Variants in SOX13 observed in about 807,000 individuals in gnomAD.
The protein encoded by SOX13 is transcription factor SOX-13.
SOX13 carries 28 observed loss-of-function variants against 71.8 expected under a neutral mutation model. The ratio of observed to expected loss-of-function variants is 0.39; its 90% CI spans 0.29 to 0.53. SOX13 has a LOEUF of 0.53. Ranked by LOEUF, SOX13 falls within the 20% of genes least tolerant of loss-of-function variation. SOX13 has a pLI of 0.70. For synonymous variants in SOX13, 309 were observed against 317.8 expected, an observed-to-expected ratio of 0.97 and a Z score of 0.29; for missense variants, 627 against 810.3, an observed-to-expected ratio of 0.77 and a Z score of 2.75.
chr1:204,079,594 A>G (rs1655858461), intron 1 of SOX13, among the ~76,000 whole-genome samples: 2 of 151,786 alleles, frequency 1.3e-5, no homozygotes, highest in African/African-American at 4.8e-5. Flanking sequence ...TGATCCGCCC[A>G]CCTCAGCCTC....
chr1:204,109,771 T>C (rs1558217867), intron 1 of SOX13, among the ~76,000 whole-genome samples: 1 of 152,208 alleles, frequency 6.6e-6, no homozygotes, highest in Non-Finnish European at 1.5e-5. Flanking sequence ...AGTATTTGCA[T>C]ATAACCTATG....
At position 204,124,746 on chromosome 1, in the gene SOX13, A is replaced by G; in HGVS notation, c.1481A>G (p.Lys494Arg). ...HLEKYPDYKYKPRPKRTCIVE... is the reference protein window; with the variant it reads ...HLEKYPDYKYRPRPKRTCIVE... ...GAGAAGTATCCTGACTACAAGTACA[A>G]GCCGCGGCCCAAGCGCACCTGCATC... The change falls in exon 13 of 14, where the codon AAG becomes AGG. Residue 494 changes from lysine to arginine, a missense_variant. Coordinates refer to ENST00000367204, the MANE Select transcript of SOX13 (RefSeq NM_005686.3). 1 of 1,611,070 alleles carries G rather than the reference A, an allele frequency of 6.2e-7. No homozygotes were observed. Among genetic ancestry groups the G allele is most frequent in the Non-Finnish European group, 8.5e-7 (1 of 1,178,798 alleles).
intron 1 of SOX13, among the ~76,000 whole-genome samples, chr1:204,106,380 T>G (rs1656470730): frequency 6.6e-6 from 1 of 152,226 alleles, no homozygotes; most frequent in Non-Finnish European, 1.5e-5. Context: ...GCTGTGCTGC[T>G]GAACTCTGTC....
chr1:204,084,989 A>G (rs1422429701), intron 1 of SOX13, among the ~76,000 whole-genome samples: 1 of 152,194 alleles, frequency 6.6e-6, no homozygotes, highest in African/African-American at 2.4e-5. Flanking sequence ...TGGGAAAAGC[A>G]TCTGGAGATT....
In SOX13 at chr1:204,110,670, T is replaced by A. The variant is rs1241237982; in HGVS notation, c.-1-2245T>A. The stretch of plus-strand genomic sequence containing the variant: ...TATATATTTTATTCAATTATAATGC[T>A]TATTTAAAATACTCTACATGTACTC... On this transcript the variant is annotated intron_variant, in intron 1 of 13. Transcript: ENST00000367204. Among the ~76,000 whole-genome samples, 5 of 152,266 alleles carry A rather than the reference T, an allele frequency of 3.3e-5. No homozygotes were observed. The East Asian group carries it at 9.7e-4, about 29-fold the overall frequency.
rs1205755725 is a variant in SOX13, at chr1:204,076,673, T to G, written c.-2+2962T>G. Among the ~76,000 whole-genome samples, 3 of 152,202 alleles carry G rather than the reference T, an allele frequency of 2.0e-5. No individual in the cohort carries two copies. The East Asian group carries it at 5.8e-4, about 29-fold the overall frequency. On this transcript the variant is annotated intron_variant, in intron 1 of 13. Coordinates refer to ENST00000367204, the MANE Select transcript of SOX13 (RefSeq NM_005686.3). ...CACACTGCCTTGGACAACAGGCTCC[T>G]GTCCTCCTTTCTCAGACCCTCCAAC...
chr1:204,078,359 G>T (rs1655826789), intron 1 of SOX13, among the ~76,000 whole-genome samples: 1 of 152,118 alleles, frequency 6.6e-6, no homozygotes, highest in Non-Finnish European at 1.5e-5. Flanking sequence ...CCCTGGGTAA[G>T]TCTCCAGGAA....
At chr1:204,095,873 C>G (rs1318130318) in intron 1 of SOX13, among the ~76,000 whole-genome samples, 1 of 152,166 alleles carries the variant, frequency 6.6e-6, no homozygotes, top group Non-Finnish European at 1.5e-5. Flanking sequence ...CTTTCTGTCT[C>G]TATGAATTTA....
rs1343961969 is a variant in SOX13 at position 204,126,190 on chromosome 1, G to A, written c.*56G>A. 30 of 1,564,538 alleles carry A rather than the reference G, an allele frequency of 1.9e-5. No homozygotes were observed. In the East Asian group the frequency reaches 4.1e-4, roughly 21 times the overall value. On this transcript the variant is annotated 3_prime_UTR_variant, in exon 14 of 14. Coordinates refer to ENST00000367204, the MANE Select transcript of SOX13 (RefSeq NM_005686.3). ...TCTGGGGAAGACCTTGTCCCAACTC[G>A]ATGGGCACAGCCAGCCAACCTAAGA... is the stretch of plus-strand genomic sequence containing the variant.
intron 1 of SOX13, among the ~76,000 whole-genome samples, chr1:204,093,054 C>T (rs555365216): frequency 6.6e-6 from 1 of 152,006 alleles, no homozygotes; most frequent in Non-Finnish European, 1.5e-5. Context: ...TTGGAGTGAC[C>T]CCCATTCAGT....
At chr1:204,084,007 C>G (rs973331832) in intron 1 of SOX13, among the ~76,000 whole-genome samples, 1 of 152,158 alleles carries the variant, frequency 6.6e-6, no homozygotes. Context: ...CCACATCTCC[C>G]AGGGGCCCCA....
intron 4 of SOX13, among the ~76,000 whole-genome samples, chr1:204,115,580 G>C (rs183650584): frequency 6.7e-6 from 1 of 149,810 alleles, no homozygotes; most frequent in Admixed American, 6.6e-5. Context: ...AGGTCAGGGG[G>C]ACACTAACAT....
intron 1 of SOX13, among the ~76,000 whole-genome samples, chr1:204,088,301 C>T (rs147902546): frequency 2.0e-3 from 302 of 152,188 alleles, no homozygotes; most frequent in South Asian, 5.6e-3. Flanking sequence ...GGATGCTGGT[C>T]GATTCGGCTG....
chr1:204,086,362 G>A (rs372169060), intron 1 of SOX13, among the ~76,000 whole-genome samples: 3 of 152,252 alleles, frequency 2.0e-5, no homozygotes, highest in South Asian at 4.2e-4. Context: ...GGAATGCAGT[G>A]GCGCGATCTC....
rs548130267 is a variant in SOX13 at position 204,116,761 on chromosome 1, G to T, written c.591+82G>T. 220 of 1,567,474 alleles carry T rather than the reference G, an allele frequency of 1.4e-4. No homozygotes were observed. The African/African-American group carries it at 2.8e-3, about 20-fold the overall frequency. On this transcript the variant is annotated intron_variant, in intron 5 of 13. Coordinates refer to ENST00000367204, the MANE Select transcript of SOX13 (RefSeq NM_005686.3). ...CTAGAGAAGGCTGCCTTAGGGACAGGCCTCACCAGTGCAAGCTGGGGCCTG... is the reference window on the plus strand; with the variant it reads ...CTAGAGAAGGCTGCCTTAGGGACAGTCCTCACCAGTGCAAGCTGGGGCCTG...
intron 13 of SOX13, among the ~76,000 whole-genome samples, chr1:204,125,460 G>A (rs1162776996): frequency 6.6e-6 from 1 of 152,186 alleles, no homozygotes; most frequent in Admixed American, 6.5e-5. Context: ...AGGAGGCTGA[G>A]GCAGGCTCAG....
chr1:204,117,485 A>G, intron 6 of SOX13, 108 bp from the exon 7 acceptor site: 2 of 731,880 alleles, frequency 2.7e-6, no homozygotes, highest in African/African-American at 1.8e-5. Context: ...TCCCTGCTTT[A>G]TCCCCTGTGC....
chr1:204,106,254 C>G (rs1037946362), intron 1 of SOX13, among the ~76,000 whole-genome samples: 1 of 152,130 alleles, frequency 6.6e-6, no homozygotes, highest in Admixed American at 6.5e-5. Flanking sequence ...AGAGCTTAGA[C>G]CCAAGGAAGA....
intron 1 of SOX13, among the ~76,000 whole-genome samples, chr1:204,074,599 G>GGATTCGCTCAGCTGCCCGCAT (rs1365823761): frequency 1.3e-5 from 2 of 152,194 alleles, no homozygotes; most frequent in African/African-American, 4.8e-5. Flanking sequence ...ATCGCCCGCG[G>GGATTCGCTCAGCTGCCCGCAT]GATTCGCTCA....
Sources: gnomAD v4.1 joint callset for allele counts (sites outside exome capture counted in the v4.1 genomes callset) on GRCh38, gnomAD v4.1.1 for gene constraint, MANE v1.5 for transcripts, NCBI Gene and HGNC (gene_info 2026-07-23, HGNC 2026-07-21) for gene names.